The following CIMAP1D variants were observed in gnomAD, a reference collection of about 807,000 sequenced individuals.
CIMAP1D encodes protein CIMAP1D.
At chr19:472,409 GGACGAGC>G in the CIMAP1D span, 5 of 1,539,438 alleles carry the variant, frequency 3.2e-6, no homozygotes, top group Non-Finnish European at 4.4e-6. Context: ...CTGGGCCTCC[GGACGAGC>G]GAGTAGGCGG....
chr19:465,611 C>A, the CIMAP1D span, among the ~76,000 whole-genome samples: 1 of 21,320 alleles, frequency 4.7e-5, no homozygotes, highest in Admixed American at 6.2e-4. Flanking sequence ...GGGTGCAGGT[C>A]GGTGTGTGGA....
chr19:488,173 G>C, the CIMAP1D span, among the ~76,000 whole-genome samples: 6 of 152,006 alleles, frequency 3.9e-5, no homozygotes, highest in African/African-American at 7.2e-5. Context: ...TCTCTAACTG[G>C]GTGTCTGAGG....
the CIMAP1D span, chr19:489,987 G>A: frequency 7.5e-6 from 3 of 398,356 alleles, no homozygotes. Flanking sequence ...GAAGCGGAGC[G>A]GGAGCCCCAC....
At chr19:467,906 G>A in the CIMAP1D span, 2 of 601,710 alleles carry the variant, frequency 3.3e-6, no homozygotes, top group Non-Finnish European at 5.9e-6. Context: ...GTCACCCCAG[G>A]GGCCCTGAGT....
the CIMAP1D span, among the ~76,000 whole-genome samples, chr19:479,095 G>T: frequency 1.3e-5 from 2 of 152,206 alleles, no homozygotes; most frequent in Admixed American, 1.3e-4. Context: ...ATACCACTGG[G>T]GGGCTATATG....
the CIMAP1D span, among the ~76,000 whole-genome samples, chr19:475,149 G>A: frequency 8.6e-3 from 1,311 of 152,204 alleles, 22 homozygotes; most frequent in African/African-American, 0.03. Context: ...CGGGGTCGTG[G>A]GTGGCGTGGC....
chr19:485,262 ACAGG>A, the CIMAP1D span, among the ~76,000 whole-genome samples: 4 of 152,322 alleles, frequency 2.6e-5, no homozygotes, highest in South Asian at 8.3e-4. Flanking sequence ...TGAGGCACAC[ACAGG>A]CAGGCGCGCA....
chr19:484,192 G>A, the CIMAP1D span, among the ~76,000 whole-genome samples: 1 of 140,968 alleles, frequency 7.1e-6, no homozygotes, highest in Non-Finnish European at 1.5e-5. Flanking sequence ...CCAGGCTGCA[G>A]TGCAATGGCG....
the CIMAP1D span, among the ~76,000 whole-genome samples, chr19:482,935 C>A: frequency 1.3e-5 from 2 of 152,210 alleles, no homozygotes; most frequent in African/African-American, 2.4e-5. Context: ...AGACCTCCTG[C>A]GCCCATGAAC....
the CIMAP1D span, chr19:464,342 A>C: frequency 9.7e-6 from 15 of 1,542,062 alleles, no homozygotes; most frequent in Non-Finnish European, 1.2e-5. Flanking sequence ...TGTAGGCCCC[A>C]GGGCCTGGCG....
chr19:487,056 G>A, the CIMAP1D span, among the ~76,000 whole-genome samples: 3 of 152,176 alleles, frequency 2.0e-5, no homozygotes, highest in Non-Finnish European at 2.9e-5. Context: ...CCGGCCTATC[G>A]GGACCACAGA....
the CIMAP1D span, among the ~76,000 whole-genome samples, chr19:482,071 C>T: frequency 1.3e-5 from 2 of 151,892 alleles, no homozygotes; most frequent in Non-Finnish European, 2.9e-5. Flanking sequence ...CCACCATGCT[C>T]GGCCATTTTT....
the CIMAP1D span, among the ~76,000 whole-genome samples, chr19:481,142 G>GA: frequency 0.015 from 835 of 57,546 alleles, 3 homozygotes; most frequent in Admixed American, 0.021. Flanking sequence ...GATGGGGAAG[G>GA]ATGATGGGAA....
the CIMAP1D span, among the ~76,000 whole-genome samples, chr19:481,358 ATGGAGAACGATGATGGAGAAGGAATG>A: frequency 1.5e-5 from 2 of 129,660 alleles, no homozygotes; most frequent in African/African-American, 5.9e-5. Context: ...GGGAAGGATG[ATGGAGAACGATGATGGAGAAGGAATG>A]TGGGAAGGAT....
the CIMAP1D span, among the ~76,000 whole-genome samples, chr19:480,807 A>G: frequency 0.23 from 17,347 of 76,276 alleles, 3,213 homozygotes; most frequent in African/African-American, 0.36. Context: ...GAAGGAATGT[A>G]GGAAGGATGA....
At chr19:466,846 G>A in the CIMAP1D span, among the ~76,000 whole-genome samples, 1 of 94,620 alleles carries the variant, frequency 1.1e-5, no homozygotes, top group Non-Finnish European at 2.2e-5. Context: ...ATGGGTGGGT[G>A]GGTGGGTGGG....
chr19:470,490 C>T, the CIMAP1D span, among the ~76,000 whole-genome samples: 3 of 152,116 alleles, frequency 2.0e-5, no homozygotes, highest in African/African-American at 7.2e-5. Flanking sequence ...GGATTACAGG[C>T]GTGAGCCACC....
At chr19:467,553 A>G in the CIMAP1D span, 1 of 841,882 alleles carries the variant, frequency 1.2e-6, no homozygotes, top group Non-Finnish European at 2.1e-6. Flanking sequence ...CATTCTAAGA[A>G]CTCCAAGGAT....
chr19:481,100 G>A, the CIMAP1D span, among the ~76,000 whole-genome samples: 1,655 of 111,070 alleles, frequency 0.015, no homozygotes, highest in African/African-American at 0.049. Context: ...CGATGATGGA[G>A]AACGATGATG....
Sources: gnomAD v4.1 joint callset for allele counts (sites outside exome capture counted in the v4.1 genomes callset) on GRCh38, gnomAD v4.1.1 for gene constraint, MANE v1.5 for transcripts, NCBI Gene and HGNC (gene_info 2026-07-23, HGNC 2026-07-21) for gene names.